DOCK5: variants seen among roughly 807,000 people sequenced by gnomAD.
DOCK5 encodes the protein dedicator of cytokinesis 5, also known as dedicator of cytokinesis protein 5.
DOCK5 carries 142 observed loss-of-function variants against 251.8 expected under a neutral mutation model. The ratio of observed to expected loss-of-function variants is 0.56; its 90% CI spans 0.49 to 0.65. DOCK5 has a LOEUF of 0.65. DOCK5 is among the 30% of genes least tolerant of loss of function. The pLI, the probability that DOCK5 is intolerant of heterozygous loss-of-function variation, is 0.00. For synonymous variants in DOCK5, 842 were observed against 835.5 expected (o/e 1.01, Z -0.13); for missense variants, 2,111 against 2,312.3 (o/e 0.91, Z 1.79).
chr8:25,387,817 A>G (rs760105524), intron 40 of DOCK5, among the ~76,000 whole-genome samples: 3 of 152,038 alleles, frequency 2.0e-5, no homozygotes, highest in Non-Finnish European at 4.4e-5. Flanking sequence ...TCATCTGTCT[A>G]TGCCCATCTA....
intron 47 of DOCK5, 46 bp from the exon 48 acceptor site, chr8:25,403,512 G>C: frequency 1.2e-6 from 2 of 1,601,134 alleles, no homozygotes; most frequent in Non-Finnish European, 1.7e-6. Flanking sequence ...AGTTCATAGG[G>C]GCTGGATTCC....
intron 49 of DOCK5, 66 bp downstream of exon 49, chr8:25,408,220 A>G: frequency 6.8e-7 from 1 of 1,468,264 alleles, no homozygotes; most frequent in Admixed American, 2.4e-5. Context: ...GTACCCAGGC[A>G]TATCACCATC....
chr8:25,363,517 T>C (rs1027473045), intron 29 of DOCK5, among the ~76,000 whole-genome samples: 2 of 152,252 alleles, frequency 1.3e-5, no homozygotes, highest in South Asian at 4.1e-4. Context: ...ATTCTTCTTA[T>C]GAACATTTAG....
chr8:25,341,839 A>T, intron 24 of DOCK5, 30 bp downstream of exon 24: 1 of 1,537,052 alleles, frequency 6.5e-7, no homozygotes, highest in Non-Finnish European at 8.8e-7. Flanking sequence ...TTTGTTCCTT[A>T]ACTCTAACAG....
At chr8:25,371,814 C>T (rs1317917585) in intron 34 of DOCK5, among the ~76,000 whole-genome samples, 3 of 152,212 alleles carry the variant, frequency 2.0e-5, no homozygotes, top group Admixed American at 1.3e-4. Flanking sequence ...ATACATAGGT[C>T]TCCAGTGCCC....
chr8:25,317,554 G>C (rs1460662336), intron 14 of DOCK5, among the ~76,000 whole-genome samples: 3 of 152,210 alleles, frequency 2.0e-5, no homozygotes, highest in African/African-American at 7.2e-5. Flanking sequence ...GCTCATCAGA[G>C]ACTGAAACTG....
chr8:25,400,885 T>A (rs1410222865), intron 46 of DOCK5, 44 bp from the exon 47 acceptor site: 6 of 1,606,912 alleles, frequency 3.7e-6, no homozygotes, highest in Non-Finnish European at 5.1e-6. Flanking sequence ...AAACGATCCC[T>A]CTTCCTGAAG....
At chr8:25,391,858 AAGAG>A (rs767998151) in intron 42 of DOCK5, 34 bp from the exon 43 acceptor site, 8 of 1,597,200 alleles carry the variant, frequency 5.0e-6, no homozygotes, top group African/African-American at 4.0e-5. Context: ...TGGTTGTTCT[AAGAG>A]AGAAAAATAC....
chr8:25,231,226 T>C (rs1321000294), intron 1 of DOCK5, among the ~76,000 whole-genome samples: 1 of 152,240 alleles, frequency 6.6e-6, no homozygotes, highest in African/African-American at 2.4e-5. Flanking sequence ...ATGCATGCAC[T>C]CATTTTCCCT....
At chr8:25,318,397 T>C (rs1458045700) in intron 14 of DOCK5, among the ~76,000 whole-genome samples, 1 of 152,074 alleles carries the variant, frequency 6.6e-6, no homozygotes, top group East Asian at 1.9e-4. Flanking sequence ...CCTGCTTTGC[T>C]TTGCTTTACT....
rs202159108 is a variant in DOCK5 at position 25,380,335 on chromosome 8, G to C, written c.3967G>C (p.Glu1323Gln). 6.2e-7 allele frequency: 1 copy of C among 1,612,186 alleles called. No homozygotes were observed. Among genetic ancestry groups the C allele is most frequent in the East Asian group, 2.2e-5 (1 of 44,832 alleles). Residue 1323 changes from glutamate (E) to glutamine (Q), a missense_variant, in exon 39 of 52, where the codon GAG (glutamate) becomes CAG (glutamine). Physicochemically the swap from Glu to Gln is conservative, Grantham distance 29. Around this residue, in one of 3 missense-constraint regions of DOCK5, gnomAD observed 1,717 missense variants for 1,892.4 expected, o/e 0.91. Transcript: ENST00000276440. ...MWEKAIKLSK[E>Q]LAETYESKVF... ...GGAGAAGGCCATCAAGCTGAGCAAA[G>C]AGTTGGCTGAGACTTACGAAAGCAA...
chr8:25,204,249 T>G (rs1021757845), intron 1 of DOCK5, among the ~76,000 whole-genome samples: 1 of 152,234 alleles, frequency 6.6e-6, no homozygotes, highest in Non-Finnish European at 1.5e-5. Context: ...GTACTTTAAC[T>G]TTTTAATACA....
rs542164811 is a variant in DOCK5, at chr8:25,302,318, C to T, written c.847-7C>T. ...CACCTCCTCTCACACTTTCTCTGCCCCTTTAGGACCTTAGCAGCATGGACC... is the reference window on the plus strand; with the variant it reads ...CACCTCCTCTCACACTTTCTCTGCCTCTTTAGGACCTTAGCAGCATGGACC... On this transcript the variant is annotated splice_region_variant and splice_polypyrimidine_tract_variant and intron_variant, in intron 9 of 51. Transcript: ENST00000276440. 1.2e-6 allele frequency: 2 copies of T among 1,600,350 alleles called. No individual in the cohort carries two copies. The highest frequency in any genetic ancestry group is 8.5e-7 in the Non-Finnish European group (1 of 1,173,032).
chr8:25,369,451 A>C, intron 33 of DOCK5, 105 bp from the exon 34 acceptor site: 2 of 895,126 alleles, frequency 2.2e-6, no homozygotes, highest in South Asian at 3.3e-5. Flanking sequence ...TCTGTGCTGG[A>C]AACAGTTCAC....
Position 25,219,312 on chromosome 8 carries a change from C to T in DOCK5, c.44-24362C>T, listed in dbSNP as rs115024792. Among the ~76,000 whole-genome samples, 540 of 152,262 alleles carry T rather than the reference C, an allele frequency of 3.5e-3. 1 individual carries two copies. The highest frequency in any genetic ancestry group is 0.012 in the African/African-American group (514 of 41,552). On this transcript the variant is annotated intron_variant, in intron 1 of 51. Transcript: ENST00000276440. ...ATTTCTATGTCCTCCAATATATCCCCTCTGATAATCTGTCAGTGGCATGTT... is the reference window on the plus strand; with the variant it reads ...ATTTCTATGTCCTCCAATATATCCCTTCTGATAATCTGTCAGTGGCATGTT...
intron 1 of DOCK5, among the ~76,000 whole-genome samples, chr8:25,231,989 G>T (rs1344617506): frequency 6.6e-6 from 1 of 152,106 alleles, no homozygotes; most frequent in Non-Finnish European, 1.5e-5. Context: ...TTATTTAGAG[G>T]TGTGTGTTTA....
intron 40 of DOCK5, among the ~76,000 whole-genome samples, chr8:25,384,749 C>T (rs896321832): frequency 4.0e-5 from 6 of 151,658 alleles, no homozygotes; most frequent in South Asian, 2.1e-4. Context: ...CATGAGCCAC[C>T]GTGCCCAGCC....
intron 3 of DOCK5, among the ~76,000 whole-genome samples, chr8:25,275,160 T>C (rs1029278833): frequency 1.3e-5 from 2 of 152,188 alleles, no homozygotes; most frequent in East Asian, 3.9e-4. Flanking sequence ...TCACAAAATA[T>C]CCTATGCTCT....
chr8:25,337,042 C>A (rs1805829569), intron 22 of DOCK5, among the ~76,000 whole-genome samples: 1 of 151,902 alleles, frequency 6.6e-6, no homozygotes, highest in Non-Finnish European at 1.5e-5. Context: ...AGGCAAACAA[C>A]CTGCAAAAAG....
Sources: allele counts gnomAD v4.1 joint callset (sites outside exome capture counted in the v4.1 genomes callset), GRCh38; gene constraint gnomAD v4.1.1; regional missense constraint gnomAD v4.1.1; transcripts MANE v1.5; gene names NCBI Gene and HGNC (gene_info 2026-07-23, HGNC 2026-07-21).